Variants in ATF7 observed in about 807,000 individuals in gnomAD.
The protein encoded by ATF7 is cyclic AMP-dependent transcription factor ATF-7.
A neutral mutation model predicts 50.4 loss-of-function variants in ATF7; 10 were observed. The ratio of observed to expected loss-of-function variants is 0.20; its 90% confidence interval spans 0.12 to 0.34. The LOEUF (loss-of-function observed/expected upper bound fraction) is 0.34. ATF7 is among the 10% of genes least tolerant of loss of function. ATF7 has a pLI of 1.00. For missense variants in ATF7, 465 were observed against 613.9 expected, an observed-to-expected ratio of 0.76 and a Z score of 2.56; for synonymous variants, 201 against 226.4, an observed-to-expected ratio of 0.89 and a Z score of 1.01.
chr12:53,584,154 T>C (rs1302612428), intron 2 of ATF7, among the ~76,000 whole-genome samples: 2 of 152,144 alleles, frequency 1.3e-5, no homozygotes, highest in Non-Finnish European at 1.5e-5. Context: ...CTAATTTTTG[T>C]ATTTTTAGGA....
At chr12:53,576,637 T>C (rs1259768360) in intron 2 of ATF7, among the ~76,000 whole-genome samples, 1 of 152,178 alleles carries the variant, frequency 6.6e-6, no homozygotes, top group Non-Finnish European at 1.5e-5. Context: ...CCAAATCTGC[T>C]GGCACCTTGA....
chr12:53,534,733 C>G, intron 5 of ATF7, 74 bp from the exon 6 acceptor site: 1 of 1,489,104 alleles, frequency 6.7e-7, no homozygotes, highest in South Asian at 1.3e-5. Flanking sequence ...ATGGTAAAAT[C>G]TAGTACAAAT....
At chr12:53,599,938 A>T (rs1487817300) in intron 2 of ATF7, among the ~76,000 whole-genome samples, 2 of 152,208 alleles carry the variant, frequency 1.3e-5, no homozygotes, top group East Asian at 3.8e-4. Context: ...AAGAGTTAAG[A>T]AGATGCAAAA....
rs1938175611 is a variant in ATF7, at chr12:53,522,388, G to T, written c.1234+888C>A. On this transcript the variant is annotated intron_variant, in intron 11 of 11. Transcript: ENST00000420353. ...AGCCTGACCAATATGATGAAACCCT[G>T]TTTCCACTAAAAACACAAAAATTAG... Among the ~76,000 whole-genome samples the T allele has an allele frequency of 2.6e-5, 4 of 151,460 alleles. No individual in the cohort carries two copies. The South Asian group carries it at 8.3e-4, about 31-fold the overall frequency.
intron 1 of ATF7, among the ~76,000 whole-genome samples, chr12:53,608,232 A>G (rs987057214): frequency 2.6e-5 from 4 of 151,610 alleles, no homozygotes; most frequent in Admixed American, 2.0e-4. Flanking sequence ...AAAAAAAAAA[A>G]AAAAAGAAAG....
chr12:53,533,785 GACAA>G lies in ATF7; in HGVS notation c.561-530_561-527del, dbSNP rs1264577379. 3.3e-5 allele frequency among the ~76,000 whole-genome samples: 5 copies of G among 152,258 alleles called. No individual in the cohort carries two copies. In the East Asian group the frequency reaches 9.7e-4, roughly 29 times the overall value. ...CCATGGGTACCGTGCCAGGAGTGAAGACAAACAGACAAATAAAATTAGAGGTGGC... is the reference window on the plus strand; with the variant it reads ...CCATGGGTACCGTGCCAGGAGTGAAGACAGACAAATAAAATTAGAGGTGGC... On this transcript the variant is annotated intron_variant, in intron 6 of 11. Coordinates refer to ENST00000420353, the MANE Select transcript of ATF7 (RefSeq NM_006856.3).
intron 2 of ATF7, among the ~76,000 whole-genome samples, chr12:53,553,490 G>T (rs1278658176): frequency 2.0e-5 from 3 of 152,092 alleles, no homozygotes; most frequent in Non-Finnish European, 2.9e-5. Flanking sequence ...AAGAAAAGTG[G>T]GCTAACTCTA....
At chr12:53,549,235 G>A (rs909401546) in intron 3 of ATF7, among the ~76,000 whole-genome samples, 2 of 149,852 alleles carry the variant, frequency 1.3e-5, no homozygotes. Flanking sequence ...TGCAATGAGC[G>A]GAGATCGCGC....
chr12:53,569,063 AAGAG>A (rs1208996987), intron 2 of ATF7, among the ~76,000 whole-genome samples: 4 of 151,822 alleles, frequency 2.6e-5, no homozygotes, highest in Non-Finnish European at 5.9e-5. Flanking sequence ...GAGGCTGAGA[AAGAG>A]AGAGAGAGAA....
intron 1 of ATF7, among the ~76,000 whole-genome samples, chr12:53,612,303 T>G (rs1943915668): frequency 6.6e-6 from 1 of 150,586 alleles, no homozygotes; most frequent in South Asian, 2.1e-4. Flanking sequence ...CTTTTCTTTT[T>G]TAAGATGGAG....
At chr12:53,597,167 C>T (rs1287038235) in intron 2 of ATF7, among the ~76,000 whole-genome samples, 1 of 152,098 alleles carries the variant, frequency 6.6e-6, no homozygotes, top group Non-Finnish European at 1.5e-5. Flanking sequence ...AGAATGCAGA[C>T]AGCACAACCT....
At chr12:53,577,269 C>A (rs1410569168) in intron 2 of ATF7, among the ~76,000 whole-genome samples, 3 of 151,644 alleles carry the variant, frequency 2.0e-5, no homozygotes, top group Non-Finnish European at 2.9e-5. Context: ...TCTCTAAAAA[C>A]AAAGAATCTC....
chr12:53,588,093 G>A (rs1165298993), intron 2 of ATF7, among the ~76,000 whole-genome samples: 1 of 151,802 alleles, frequency 6.6e-6, no homozygotes, highest in Non-Finnish European at 1.5e-5. Flanking sequence ...CAGGTGATTC[G>A]CTGGCCTCAG....
At position 53,601,009 on chromosome 12, in the gene ATF7, T is replaced by C. The variant is rs201765810; in HGVS notation, c.-9A>G. 3.5e-4 allele frequency: 572 copies of C among 1,611,928 alleles called. No homozygotes were observed. Among genetic ancestry groups the C allele is most frequent in the Non-Finnish European group, 4.6e-4 (548 of 1,179,302 alleles). On this transcript the variant is annotated 5_prime_UTR_variant, in exon 2 of 12. Coordinates refer to ENST00000420353, the MANE Select transcript of ATF7 (RefSeq NM_006856.3). ...GGTCTGTCGTCTCCCATATTTCATA[T>C]AGCAGAGAGGAGCTGAGGAGGGGGA...
At chr12:53,523,047 C>T in intron 11 of ATF7, 1 of 424,084 alleles carries the variant, frequency 2.4e-6, no homozygotes, top group Non-Finnish European at 4.3e-6. Context: ...AAATATGCAC[C>T]CGGTAAATAT....
intron 3 of ATF7, among the ~76,000 whole-genome samples, chr12:53,548,847 T>C (rs1940120132): frequency 6.6e-6 from 1 of 152,002 alleles, no homozygotes; most frequent in South Asian, 2.1e-4. Flanking sequence ...GCTGGGTGTG[T>C]GGTGGTGCAC....
intron 4 of ATF7, among the ~76,000 whole-genome samples, chr12:53,540,566 A>G (rs765813635): frequency 1.2e-4 from 18 of 151,652 alleles, no homozygotes; most frequent in Middle Eastern, 3.4e-3. Context: ...TCTACTAAAA[A>G]TACAAAAAAA....
intron 6 of ATF7, among the ~76,000 whole-genome samples, chr12:53,534,243 C>G (rs1227908971): frequency 6.6e-6 from 1 of 152,106 alleles, no homozygotes; most frequent in African/African-American, 2.4e-5. Context: ...CACCACTGCA[C>G]TCCAGCCTGG....
At chr12:53,609,117 C>T (rs1803833261) in intron 1 of ATF7, among the ~76,000 whole-genome samples, 2 of 151,662 alleles carry the variant, frequency 1.3e-5, no homozygotes, top group Non-Finnish European at 2.9e-5. Flanking sequence ...CCAGTCTAGC[C>T]AACAAAGCAA....
Sources: gnomAD v4.1 joint callset for allele counts (sites outside exome capture counted in the v4.1 genomes callset) on GRCh38, gnomAD v4.1.1 for gene constraint, MANE v1.5 for transcripts, NCBI Gene and HGNC (gene_info 2026-07-23, HGNC 2026-07-21) for gene names.